The following CELF5 variants were observed in gnomAD, a reference collection of about 807,000 sequenced individuals.
CELF5 encodes CUGBP Elav-like family member 5.
In CELF5, 6 loss-of-function variants were observed where a neutral mutation model predicts 54.9. That is an observed-to-expected ratio of 0.11 (90% CI 0.06 to 0.22). CELF5 has a LOEUF of 0.22. Among genes scored for constraint, CELF5 ranks in the 10% least tolerant of loss-of-function variants. The pLI is 1.00. For missense variants in CELF5, 401 were observed against 678.6 expected, an observed-to-expected ratio of 0.59 and a Z score of 4.54; for synonymous variants, 271 against 290.9, an observed-to-expected ratio of 0.93 and a Z score of 0.70.
rs1332029206 is a variant in CELF5 at position 3,228,782 on chromosome 19, C to T, written c.259+3784C>T. Among the ~76,000 whole-genome samples, 2 of 139,526 alleles carry T rather than the reference C, an allele frequency of 1.4e-5. No individual in the cohort carries two copies. Among genetic ancestry groups the T allele is most frequent in the African/African-American group, 5.5e-5 (2 of 36,224 alleles). The allele number at this position is 139,526 out of a possible 152,430, so 91.5% of individuals were successfully genotyped here. On this transcript the variant is annotated intron_variant, in intron 1 of 12. Coordinates refer to ENST00000292672, the MANE Select transcript of CELF5 (RefSeq NM_021938.4). This position sits in a 1 kb window ranked among gnomAD's most constrained non-coding sequence, Gnocchi z 6.0. ...AGCTCCAGGGAGAAGGCGGGCTGGG[C>T]GGCCTGGCGGGGGGACCGCGGGAGC...
At chr19:3,251,672 T>TGTTG (rs755978616) in intron 2 of CELF5, among the ~76,000 whole-genome samples, 3 of 121,344 alleles carry the variant, frequency 2.5e-5, no homozygotes, top group African/African-American at 6.2e-5. Context: ...TTTTTTTTTT[T>TGTTG]TTGTTGTTGT....
chr19:3,237,461 G>T (rs563022957), intron 1 of CELF5, among the ~76,000 whole-genome samples: 1 of 152,150 alleles, frequency 6.6e-6, no homozygotes, highest in Admixed American at 6.6e-5. Flanking sequence ...TCCCGGGAAA[G>T]GGGTGGGCAG....
Position 3,284,906 on chromosome 19 carries a change from G to A in CELF5, c.1044G>A (p.Gln348=). ...YANGLVPYPA[Q]SPTVAETLHP... Reference sequence around the variant, plus strand: ...AGCCCCTCTGTCTGCCCGCAGCTCAGAGCCCGACTGTGGCCGAGACACTGC... The same window carrying A: ...AGCCCCTCTGTCTGCCCGCAGCTCAAAGCCCGACTGTGGCCGAGACACTGC... The change falls in exon 9 of 13, where the codon CAG becomes CAA. Residue 348 remains glutamine, a synonymous_variant. Coordinates refer to ENST00000292672, the MANE Select transcript of CELF5 (RefSeq NM_021938.4). The A allele has an allele frequency of 6.2e-7, 1 of 1,612,744 alleles. No individual in the cohort carries two copies. Among genetic ancestry groups the A allele is most frequent in the East Asian group, 2.2e-5 (1 of 44,818 alleles).
At chr19:3,238,405 C>T (rs1022658021) in intron 1 of CELF5, among the ~76,000 whole-genome samples, 4 of 152,108 alleles carry the variant, frequency 2.6e-5, no homozygotes, top group African/African-American at 7.2e-5. Flanking sequence ...GTTTGTTGTC[C>T]CAGGGCTTTT....
At chr19:3,288,013 C>T (rs1251769093) in intron 10 of CELF5, among the ~76,000 whole-genome samples, 3 of 152,032 alleles carry the variant, frequency 2.0e-5, no homozygotes, top group Admixed American at 2.0e-4. Context: ...ATAGCATGAC[C>T]CCGGATGGGG....
intron 12 of CELF5, chr19:3,294,305 C>T (rs1344990154): frequency 6.6e-6 from 1 of 152,156 alleles, no homozygotes; most frequent in Non-Finnish European, 1.5e-5. Flanking sequence ...AGTCATCTCC[C>T]CAGAGACGGC....
At chr19:3,276,978 G>A (rs896838356) in intron 4 of CELF5, among the ~76,000 whole-genome samples, 1 of 152,130 alleles carries the variant, frequency 6.6e-6, no homozygotes. Context: ...TCCTGGTTCT[G>A]TCTATGTGAT....
At chr19:3,231,517 G>T (rs1917258125) in intron 1 of CELF5, among the ~76,000 whole-genome samples, 1 of 149,512 alleles carries the variant, frequency 6.7e-6, no homozygotes, top group Non-Finnish European at 1.5e-5. Flanking sequence ...TTTATGGATG[G>T]ATGGGTGGAT....
rs559239850 is a variant in CELF5 at position 3,228,192 on chromosome 19, A to G, written c.259+3194A>G. 2.0e-5 allele frequency among the ~76,000 whole-genome samples: 3 copies of G among 152,154 alleles called. No homozygotes were observed. The South Asian group carries it at 6.2e-4, about 32-fold the overall frequency. On this transcript the variant is annotated intron_variant, in intron 1 of 12. Transcript: ENST00000292672. This position sits in a 1 kb window ranked among gnomAD's most constrained non-coding sequence, Gnocchi z 6.0. The stretch of plus-strand genomic sequence containing the variant: ...GAGAGACAGAGAGACCCACAGAGAG[A>G]CAGAGACAGAGAAACACAGACAGGG...
rs752508987 is a variant in CELF5, at chr19:3,290,388, G to A, written c.1330+14G>A. 84 of 1,611,424 alleles carry A rather than the reference G, an allele frequency of 5.2e-5. No homozygotes were observed. Among genetic ancestry groups the A allele is most frequent in the African/African-American group, 8.0e-5 (6 of 74,718 alleles). Reference sequence around the variant, plus strand: ...GCAAGTGTTTCGGTGAGTGGCCGCCGACGCCACCCCTCCCCATCCACCTCC... The same window carrying A: ...GCAAGTGTTTCGGTGAGTGGCCGCCAACGCCACCCCTCCCCATCCACCTCC... On this transcript the variant is annotated intron_variant, in intron 11 of 12. Coordinates refer to ENST00000292672, the MANE Select transcript of CELF5 (RefSeq NM_021938.4).
At chr19:3,253,446 C>T (rs1197487498) in intron 2 of CELF5, among the ~76,000 whole-genome samples, 1 of 152,196 alleles carries the variant, frequency 6.6e-6, no homozygotes, top group Non-Finnish European at 1.5e-5. Flanking sequence ...GCCTCAGTTT[C>T]TCACCACGTG....
rs764516916 is a variant in CELF5 at position 3,278,008 on chromosome 19, CTCT to C, written c.524-13_524-11del. On this transcript the variant is annotated intron_variant, in intron 4 of 12. Coordinates refer to ENST00000292672, the MANE Select transcript of CELF5 (RefSeq NM_021938.4). The surrounding 1 kb of genome is among the most constrained non-coding windows in gnomAD (Gnocchi z 4.5). ...GTCCTGTGACCCCATCACCCTCTAC[CTCT>C]TCTTCTTCTCTTGGAGCAGGCTGTG... The C allele has an allele frequency of 1.3e-4, 203 of 1,606,980 alleles. No homozygotes were observed. Among genetic ancestry groups the C allele is most frequent in the African/African-American group, 4.0e-4 (30 of 74,912 alleles).
chr19:3,254,202 G>C (rs1455754306), intron 2 of CELF5, among the ~76,000 whole-genome samples: 1 of 152,116 alleles, frequency 6.6e-6, no homozygotes, highest in Non-Finnish European at 1.5e-5. Context: ...ATCTTGAGGG[G>C]ACTCTGTCCT....
Position 3,278,537 on chromosome 19 carries a change from C to G in CELF5, c.603+427C>G, listed in dbSNP as rs1458602298. 6.6e-6 allele frequency among the ~76,000 whole-genome samples: 1 copy of G among 151,748 alleles called. No individual in the cohort carries two copies. Among genetic ancestry groups the G allele is most frequent in the African/African-American group, 2.4e-5 (1 of 41,286 alleles). ...GTATGGATAAGTGTGCCATTGTGTGCTAGTGTAGAGATACTAGTGCGTGTG... is the reference window on the plus strand; with the variant it reads ...GTATGGATAAGTGTGCCATTGTGTGGTAGTGTAGAGATACTAGTGCGTGTG... On this transcript the variant is annotated intron_variant, in intron 5 of 12. Coordinates refer to ENST00000292672, the MANE Select transcript of CELF5 (RefSeq NM_021938.4). This position sits in a 1 kb window ranked among gnomAD's most constrained non-coding sequence, Gnocchi z 4.5.
intron 1 of CELF5, among the ~76,000 whole-genome samples, chr19:3,240,635 A>G (rs533667625): frequency 1.3e-5 from 2 of 151,518 alleles, no homozygotes; most frequent in African/African-American, 4.8e-5. Flanking sequence ...GCCCTACCAC[A>G]CACTTCTGAA....
intron 2 of CELF5, among the ~76,000 whole-genome samples, chr19:3,251,386 G>T (rs903395280): frequency 1.3e-5 from 2 of 152,140 alleles, no homozygotes; most frequent in Admixed American, 1.3e-4. Flanking sequence ...CAGGCAGAGG[G>T]CACAGCATGT....
Position 3,268,237 on chromosome 19 carries a change from G to C in CELF5, c.343-5635G>C, listed in dbSNP as rs1315966294. 7.2e-5 allele frequency among the ~76,000 whole-genome samples: 11 copies of C among 152,056 alleles called. No homozygotes were observed. On this transcript the variant is annotated intron_variant, in intron 2 of 12. Coordinates refer to ENST00000292672, the MANE Select transcript of CELF5 (RefSeq NM_021938.4). This position sits in a 1 kb window ranked among gnomAD's most constrained non-coding sequence, Gnocchi z 4.4. Reference sequence around the variant, plus strand: ...TGGTCTCGAACTCCTGACCTCAGGTGATCCGCCCGCCTCAGCCTCCCAAAG... The same window carrying C: ...TGGTCTCGAACTCCTGACCTCAGGTCATCCGCCCGCCTCAGCCTCCCAAAG...
intron 1 of CELF5, among the ~76,000 whole-genome samples, chr19:3,234,937 G>A (rs1917454228): frequency 1.3e-5 from 2 of 151,978 alleles, no homozygotes; most frequent in African/African-American, 4.8e-5. Flanking sequence ...GAGAGCGCCT[G>A]TGAGCACCTG....
Position 3,273,898 on chromosome 19 carries a change from T to G in CELF5, c.369T>G (p.Pro123=). 6.2e-7 allele frequency: 1 copy of G among 1,613,196 alleles called. No homozygotes were observed. The highest frequency in any genetic ancestry group is 8.5e-7 in the Non-Finnish European group (1 of 1,179,408). ...PGMARPIQVK[P]ADSESRGGRD... The stretch of plus-strand genomic sequence containing the variant: ...TGGCGCGGCCAATCCAGGTGAAGCC[T>G]GCGGACAGTGAAAGCCGCGGAGGTA... Residue 123 remains proline (P), a synonymous_variant, in exon 3 of 13, where the codon CCT becomes CCG. Coordinates refer to ENST00000292672, the MANE Select transcript of CELF5 (RefSeq NM_021938.4).
Sources: gnomAD v4.1 joint callset for allele counts (sites outside exome capture counted in the v4.1 genomes callset) on GRCh38, gnomAD v4.1.1 for gene constraint, Gnocchi (gnomAD v3.1) non-coding constraint, MANE v1.5 for transcripts, NCBI Gene and HGNC (gene_info 2026-07-23, HGNC 2026-07-21) for gene names.